Variants in TLK1 observed in about 807,000 individuals in gnomAD.
TLK1 encodes the protein serine/threonine-protein kinase tousled-like 1.
A neutral mutation model predicts 105.3 loss-of-function variants in TLK1; 24 were observed. The ratio of observed to expected loss-of-function variants is 0.23; its 90% CI spans 0.17 to 0.32. The LOEUF (loss-of-function observed/expected upper bound fraction) is 0.32. TLK1 is among the 10% of genes least tolerant of loss of function. The probability of loss-of-function intolerance (pLI) is 1.00; values close to 1 mark genes in which losing one functional copy is unlikely to be tolerated. For synonymous variants in TLK1, 321 were observed against 310.4 expected (o/e 1.03, Z -0.36); for missense variants, 558 against 910.5 (o/e 0.61, Z 4.98).
intron 12 of TLK1, among the ~76,000 whole-genome samples, chr2:171,020,063 G>GA (rs35782529): frequency 1.8e-4 from 25 of 136,148 alleles, no homozygotes; most frequent in African/African-American, 3.4e-4. Context: ...CTCCGTCTCA[G>GA]AAAAAAAAAA....
At chr2:171,014,993 G>A (rs774707522) in intron 12 of TLK1, 45 bp from the exon 13 acceptor site, 14 of 1,411,454 alleles carry the variant, frequency 9.9e-6, no homozygotes, top group South Asian at 3.5e-5. Flanking sequence ...ATTTATTTGC[G>A]ATATAAAAAA....
rs1692442711 is a variant in TLK1 at position 171,160,509 on chromosome 2, G to A, written c.-81C>T. 2.5e-6 allele frequency: 4 copies of A among 1,568,966 alleles called. No individual in the cohort carries two copies. The South Asian group carries it at 3.5e-5, about 14-fold the overall frequency. ...CACCGGCACCCGCCTCCGTCATGGC[G>A]GGGGCCGCGCTGAGGGCGAGCGAGA... On this transcript the variant is annotated 5_prime_UTR_variant, in exon 1 of 21. Transcript: ENST00000431350. The surrounding 1 kb of genome is among the most constrained non-coding windows in gnomAD (Gnocchi z 4.4).
intron 1 of TLK1, among the ~76,000 whole-genome samples, chr2:171,223,848 T>C (rs1178812598): frequency 6.6e-6 from 1 of 151,998 alleles, no homozygotes; most frequent in Non-Finnish European, 1.5e-5. Flanking sequence ...TTGTATATTC[T>C]GGTTATTCAT....
chr2:171,099,768 T>C (rs572811553), intron 2 of TLK1, among the ~76,000 whole-genome samples: 1 of 152,350 alleles, frequency 6.6e-6, no homozygotes, highest in Non-Finnish European at 1.5e-5. Context: ...AATAGTCTTT[T>C]CAACAAATGT....
chr2:171,086,626 AAAAAAAACAAAC>A (rs1338022275), intron 2 of TLK1, among the ~76,000 whole-genome samples: 1 of 130,476 alleles, frequency 7.7e-6, no homozygotes, highest in African/African-American at 3.7e-5. Flanking sequence ...ACTCCGTCTC[AAAAAAAACAAAC>A]AAAAAAAAAA....
intron 2 of TLK1, among the ~76,000 whole-genome samples, chr2:171,111,173 A>G (rs1479419635): frequency 6.6e-6 from 1 of 152,226 alleles, no homozygotes; most frequent in African/African-American, 2.4e-5. Flanking sequence ...AAGAAAGAAA[A>G]TAACAAAGGA....
chr2:171,130,937 C>A (rs577902485), intron 1 of TLK1, among the ~76,000 whole-genome samples: 19 of 152,242 alleles, frequency 1.2e-4, no homozygotes, highest in African/African-American at 4.3e-4. Context: ...TAATGGTCCT[C>A]TAGAAAGACA....
intron 1 of TLK1, among the ~76,000 whole-genome samples, chr2:171,133,343 T>C (rs1691179418): frequency 6.6e-6 from 1 of 152,204 alleles, no homozygotes; most frequent in South Asian, 2.1e-4. Context: ...ATGTCTGTAA[T>C]CCCAGCACTT....
chr2:171,170,067 G>C (rs768773899), intron 1 of TLK1, among the ~76,000 whole-genome samples: 29 of 152,134 alleles, frequency 1.9e-4, no homozygotes, highest in Non-Finnish European at 3.8e-4. Context: ...GCAGCAGTGA[G>C]ACTAACCATG....
intron 2 of TLK1, among the ~76,000 whole-genome samples, chr2:171,100,890 C>G (rs942160372): frequency 1.3e-5 from 2 of 152,160 alleles, no homozygotes; most frequent in Non-Finnish European, 2.9e-5. Context: ...CAGTTCATAA[C>G]ATTTGCATCA....
chr2:171,193,734 A>G (rs1178414352), intron 1 of TLK1, among the ~76,000 whole-genome samples: 8 of 45,788 alleles, frequency 1.7e-4, no homozygotes, highest in African/African-American at 1.7e-4. Flanking sequence ...TTTTTTTTTG[A>G]GACAGGGTTT....
chr2:171,146,517 AG>A (rs1229654836), intron 1 of TLK1, among the ~76,000 whole-genome samples: 2 of 152,260 alleles, frequency 1.3e-5, no homozygotes, highest in Non-Finnish European at 2.9e-5. Flanking sequence ...AATATATAAA[AG>A]AAAAAATATG....
At chr2:171,060,457 C>T (rs1687699630) in intron 4 of TLK1, among the ~76,000 whole-genome samples, 1 of 152,164 alleles carries the variant, frequency 6.6e-6, no homozygotes, top group African/African-American at 2.4e-5. Flanking sequence ...CATGGGTTCA[C>T]AGCCATAGAT....
chr2:171,205,417 G>C (rs578038927), intron 1 of TLK1, among the ~76,000 whole-genome samples: 1 of 152,064 alleles, frequency 6.6e-6, no homozygotes, highest in East Asian at 1.9e-4. Context: ...TGACTACCCA[G>C]GCTCAAGCGA....
intron 8 of TLK1, among the ~76,000 whole-genome samples, chr2:171,052,648 T>C (rs919626036): frequency 6.6e-6 from 1 of 152,136 alleles, no homozygotes; most frequent in Non-Finnish European, 1.5e-5. Flanking sequence ...AAAAACCAAC[T>C]GAAATAATAT....
At chr2:171,112,851 A>C (rs1690243598) in intron 2 of TLK1, among the ~76,000 whole-genome samples, 1 of 152,212 alleles carries the variant, frequency 6.6e-6, no homozygotes, top group Non-Finnish European at 1.5e-5. Context: ...ATTCCTAAGA[A>C]GTCCATGGGG....
Position 171,050,173 on chromosome 2 carries a change from G to A in TLK1, c.734C>T (p.Ala245Val), listed in dbSNP as rs1687168265. 6.3e-7 allele frequency: 1 copy of A among 1,591,100 alleles called. No individual in the cohort carries two copies. The highest frequency in any genetic ancestry group is 2.2e-5 in the East Asian group (1 of 44,554). Residue 245 changes from alanine to valine, a missense_variant and splice_region_variant, in exon 9 of 21, where the codon GCT becomes GTT. By Grantham distance (64) the Ala-to-Val change is moderately conservative. Transcript: ENST00000431350. ...TATTTGCCGTCTGAGATCACAGTTA[G>A]CCTATGACATAAGTAGAAAATGCAA... is the stretch of plus-strand genomic sequence containing the variant. The part of the protein sequence containing the change: ...KEGRIDDLLR[A>V]NCDLRRQIDE...
chr2:171,020,702 C>G lies in TLK1; in HGVS notation c.1237-5754G>C, dbSNP rs574179818. 8.6e-5 allele frequency among the ~76,000 whole-genome samples: 13 copies of G among 151,996 alleles called. No individual in the cohort carries two copies. In the East Asian group the frequency reaches 2.5e-3, roughly 29 times the overall value. On this transcript the variant is annotated intron_variant, in intron 12 of 20. Coordinates refer to ENST00000431350, the MANE Select transcript of TLK1 (RefSeq NM_012290.5). ...TATGAATGTGTGAGATATGAACCAA[C>G]CAAAATAAAAGCCAGCCAACCAACC...
At chr2:171,061,588 A>G (rs1687752305) in intron 3 of TLK1, among the ~76,000 whole-genome samples, 1 of 152,220 alleles carries the variant, frequency 6.6e-6, no homozygotes, top group South Asian at 2.1e-4. Flanking sequence ...AAAAAGGGGC[A>G]GAACACAAAC....
Sources: gnomAD v4.1 joint callset for allele counts (sites outside exome capture counted in the v4.1 genomes callset) on GRCh38, gnomAD v4.1.1 for gene constraint, Gnocchi (gnomAD v3.1) non-coding constraint, MANE v1.5 for transcripts, NCBI Gene and HGNC (gene_info 2026-07-23, HGNC 2026-07-21) for gene names.